GABRG3: variants seen among roughly 807,000 people sequenced by gnomAD.
GABRG3 encodes gamma-aminobutyric acid receptor subunit gamma-3.
GABRG3 carries 25 observed loss-of-function variants against 48.8 expected under a neutral mutation model. That is an observed-to-expected ratio of 0.51 (90% CI 0.37 to 0.72). GABRG3 has a LOEUF of 0.72. Ranked by LOEUF, GABRG3 falls within the 30% of genes least tolerant of loss-of-function variation. The pLI, the probability that GABRG3 is intolerant of heterozygous loss-of-function variation, is 0.00. For synonymous variants in GABRG3, 227 were observed against 217.6 expected (o/e 1.04, Z -0.38); for missense variants, 394 against 577.9 (o/e 0.68, Z 3.26).
intron 2 of GABRG3, among the ~76,000 whole-genome samples, chr15:27,013,765 G>A (rs1025372714): frequency 6.6e-6 from 1 of 151,948 alleles, no homozygotes; most frequent in African/African-American, 2.4e-5. Context: ...GTTTGATTTT[G>A]TAGTAAGTTT....
At chr15:27,477,965 G>T (rs1889994219) in intron 5 of GABRG3, among the ~76,000 whole-genome samples, 1 of 151,444 alleles carries the variant, frequency 6.6e-6, no homozygotes, top group Admixed American at 6.6e-5. Context: ...AGAATGGCGT[G>T]AACCCGGAGG....
chr15:27,186,234 C>T (rs143712846), intron 3 of GABRG3, among the ~76,000 whole-genome samples: 1 of 151,982 alleles, frequency 6.6e-6, no homozygotes, highest in Non-Finnish European at 1.5e-5. Flanking sequence ...TCCATGCGTC[C>T]TCTTACTTAT....
In GABRG3 at chr15:27,457,329, C is replaced by A. The variant is rs1319434140; in HGVS notation, c.575-23321C>A. Among the ~76,000 whole-genome samples, 2 of 152,206 alleles carry A rather than the reference C, an allele frequency of 1.3e-5. No individual in the cohort carries two copies. The highest frequency in any genetic ancestry group is 2.9e-5 in the Non-Finnish European group (2 of 68,038). Reference sequence around the variant, plus strand: ...GCTTGGAAGATATTTGGACTAAGTCCTTGCTAGCATTTGACGTTTTGTTTT... The same window carrying A: ...GCTTGGAAGATATTTGGACTAAGTCATTGCTAGCATTTGACGTTTTGTTTT... On this transcript the variant is annotated intron_variant, in intron 5 of 9. Transcript: ENST00000615808. This position sits in a 1 kb window ranked among gnomAD's most constrained non-coding sequence, Gnocchi z 4.4.
chr15:27,480,982 C>T lies in GABRG3; in HGVS notation c.712+195C>T, dbSNP rs550449173. ...TGGGAGAGGGATGTTAGAAATAATT[C>T]ATATTTTTGAATCCAGGCTGTGTTT... is the stretch of plus-strand genomic sequence containing the variant. On this transcript the variant is annotated intron_variant, in intron 6 of 9. Coordinates refer to ENST00000615808, the MANE Select transcript of GABRG3 (RefSeq NM_033223.5). 24 of 1,378,890 alleles carry T rather than the reference C, an allele frequency of 1.7e-5. No individual in the cohort carries two copies. In the Admixed American group the frequency reaches 6.3e-4, roughly 36 times the overall value. The allele number at this position is 1,378,890 out of a possible 1,614,324, so 85.4% of individuals were successfully genotyped here.
intron 3 of GABRG3, among the ~76,000 whole-genome samples, chr15:27,193,475 G>A (rs1159592938): frequency 1.3e-5 from 2 of 151,928 alleles, no homozygotes; most frequent in African/African-American, 2.4e-5. Context: ...ATCTCAGACT[G>A]CTGTGCTAGC....
intron 5 of GABRG3, among the ~76,000 whole-genome samples, chr15:27,358,014 A>G (rs1894897219): frequency 6.6e-6 from 1 of 152,202 alleles, no homozygotes; most frequent in Non-Finnish European, 1.5e-5. Flanking sequence ...TGTTGACACG[A>G]TATTACAAAA....
chr15:27,327,946 A>G (rs1017303247), intron 4 of GABRG3, among the ~76,000 whole-genome samples: 1 of 152,156 alleles, frequency 6.6e-6, no homozygotes, highest in Non-Finnish European at 1.5e-5. Context: ...CCATGTGCGT[A>G]CTGAGAATTC....
intron 3 of GABRG3, among the ~76,000 whole-genome samples, chr15:27,057,664 C>T (rs1306325244): frequency 6.6e-6 from 1 of 152,056 alleles, no homozygotes; most frequent in African/African-American, 2.4e-5. Flanking sequence ...TTGCTCATGT[C>T]CTTCAGGTGT....
intron 3 of GABRG3, among the ~76,000 whole-genome samples, chr15:27,116,912 TG>T (rs777282476): frequency 1.2e-4 from 18 of 152,220 alleles, no homozygotes; most frequent in Non-Finnish European, 2.5e-4. Context: ...ACCAGCACCT[TG>T]ATCTTGGACT....
chr15:27,238,932 TAAAC>T lies in GABRG3; in HGVS notation c.271-87871_271-87868del, dbSNP rs1032504657. On this transcript the variant is annotated intron_variant, in intron 3 of 9. Coordinates refer to ENST00000615808, the MANE Select transcript of GABRG3 (RefSeq NM_033223.5). ...ATTGTTAGTATCCCAACAAACAAAA[TAAAC>T]AAACAGAAACCAAAATTTGGCATGC... 3.9e-5 allele frequency among the ~76,000 whole-genome samples: 6 copies of T among 152,102 alleles called. No homozygotes were observed. The South Asian group carries it at 6.2e-4, about 16-fold the overall frequency.
intron 3 of GABRG3, among the ~76,000 whole-genome samples, chr15:27,077,413 A>G (rs1323372833): frequency 6.6e-6 from 1 of 152,136 alleles, no homozygotes; most frequent in Admixed American, 6.5e-5. Context: ...TGCATTTTCC[A>G]GAGCAGCTGG....
At chr15:27,369,651 C>CA (rs1290675575) in intron 5 of GABRG3, among the ~76,000 whole-genome samples, 1 of 151,564 alleles carries the variant, frequency 6.6e-6, no homozygotes, top group African/African-American at 2.4e-5. Flanking sequence ...ACTAAAAATA[C>CA]AAAAAATTAA....
At chr15:27,528,342 T>C (rs1487339762) in intron 9 of GABRG3, among the ~76,000 whole-genome samples, 1 of 152,234 alleles carries the variant, frequency 6.6e-6, no homozygotes, top group African/African-American at 2.4e-5. Context: ...TATGTACTTA[T>C]ATGTACTTAA....
chr15:27,134,465 C>T (rs997490590), intron 3 of GABRG3, among the ~76,000 whole-genome samples: 10 of 152,128 alleles, frequency 6.6e-5, no homozygotes, highest in African/African-American at 1.9e-4. Context: ...GGTGACTCTC[C>T]GCTCTGTTCA....
rs1429358625 is a variant in GABRG3 at position 27,478,061 on chromosome 15, AAG to A, written c.575-2587_575-2586del. On this transcript the variant is annotated intron_variant, in intron 5 of 9. Transcript: ENST00000615808. ...GACTCCATGTCACAAAAAAAAAAAA[AAG>A]AAAGAAAGAAAGAAAAGGAATTCTG... Among the ~76,000 whole-genome samples, 1,063 of 149,164 alleles carry A rather than the reference AAG, an allele frequency of 7.1e-3. 12 individuals carry two copies. Among genetic ancestry groups the A allele is most frequent in the African/African-American group, 0.025 (982 of 39,448 alleles).
intron 3 of GABRG3, among the ~76,000 whole-genome samples, chr15:27,174,939 G>T (rs1038643918): frequency 6.6e-6 from 1 of 152,108 alleles, no homozygotes. Context: ...ACATGGACAC[G>T]TGGGCATTGC....
chr15:27,097,706 G>A (rs915878924), intron 3 of GABRG3, among the ~76,000 whole-genome samples: 1 of 152,108 alleles, frequency 6.6e-6, no homozygotes, highest in Admixed American at 6.6e-5. Context: ...GCTGAAGCCT[G>A]GGGGAGGTGT....
intron 3 of GABRG3, among the ~76,000 whole-genome samples, chr15:27,170,329 T>G (rs930304260): frequency 6.6e-6 from 1 of 152,194 alleles, no homozygotes; most frequent in Admixed American, 6.5e-5. Context: ...GACCATGTAA[T>G]GTGCACACAA....
chr15:27,000,461 C>G (rs1356753611), intron 2 of GABRG3, among the ~76,000 whole-genome samples: 3 of 152,118 alleles, frequency 2.0e-5, no homozygotes, highest in African/African-American at 7.2e-5. Flanking sequence ...GTATCTCCAC[C>G]CAAATCTCAT....
Sources: gnomAD v4.1 joint callset for allele counts (sites outside exome capture counted in the v4.1 genomes callset) on GRCh38, gnomAD v4.1.1 for gene constraint, Gnocchi (gnomAD v3.1) non-coding constraint, MANE v1.5 for transcripts, NCBI Gene and HGNC (gene_info 2026-07-23, HGNC 2026-07-21) for gene names.